The following ZNF23 variants were observed in gnomAD, a reference collection of about 807,000 sequenced individuals.
ZNF23 encodes zinc finger protein 23.
Under a neutral mutation model 56.2 loss-of-function variants are expected in ZNF23, and 48 were observed. That is an observed-to-expected ratio of 0.85 (90% CI 0.68 to 1.09). The LOEUF is 1.09. Ranked by LOEUF, ZNF23 falls within the 50% of genes least tolerant of loss-of-function variation. The pLI, the probability that ZNF23 is intolerant of heterozygous loss-of-function variation, is 0.00. For missense variants in ZNF23, 805 were observed against 811.4 expected, an observed-to-expected ratio of 0.99 and a Z score of 0.10; for synonymous variants, 266 against 283.3, an observed-to-expected ratio of 0.94 and a Z score of 0.61.
chr16:71,448,377 G>A lies in ZNF23; in HGVS notation c.1777C>T (p.His593Tyr), dbSNP rs373973539. Residue 593 changes from histidine (H) to tyrosine (Y), a missense_variant, in exon 5 of 5, where the codon CAC (histidine) becomes TAC (tyrosine). By Grantham distance (83) the His-to-Tyr change is moderately conservative. Transcript: ENST00000647773. Reference protein sequence around the residue: ...AFSCSSNYIVHQRIHTGEKPF... With the variant: ...AFSCSSNYIVYQRIHTGEKPF... ...TTCTCTCCTGTATGGATTCTCTGGTGCACAATATAGTTAGAACTACAGCTG... is the reference window on the plus strand; with the variant it reads ...TTCTCTCCTGTATGGATTCTCTGGTACACAATATAGTTAGAACTACAGCTG... The A allele has an allele frequency of 1.6e-4, 260 of 1,613,986 alleles. No homozygotes were observed. The highest frequency in any genetic ancestry group is 2.1e-4 in the Non-Finnish European group (249 of 1,180,024).
chr16:71,447,784 A>G lies in ZNF23; in HGVS notation c.*309T>C, dbSNP rs2042900816. ...CTTTGTAAAGTGGCCCTCAGTGAAG[A>G]CTTAAATTTCTCCATACAAGTCCTC... On this transcript the variant is annotated 3_prime_UTR_variant, in exon 5 of 5. Coordinates refer to ENST00000647773, the MANE Select transcript of ZNF23 (RefSeq NM_001381984.1). 5.1e-6 allele frequency: 1 copy of G among 197,346 alleles called. No individual in the cohort carries two copies. The highest frequency in any genetic ancestry group is 1.8e-4 in the South Asian group (1 of 5,604). The allele number at this position is 197,346 out of a possible 1,614,324, so 12.2% of individuals were successfully genotyped here. A position where few individuals can be genotyped will look rare whatever the true frequency, so the allele number is the denominator to read the frequency against.
At chr16:71,460,996 G>C (rs1242036771) in intron 1 of ZNF23, among the ~76,000 whole-genome samples, 2 of 152,014 alleles carry the variant, frequency 1.3e-5, no homozygotes, top group African/African-American at 4.8e-5. Flanking sequence ...ACTTAACATT[G>C]AATTATGCGA....
In ZNF23 at chr16:71,448,994, C is replaced by A; in HGVS notation, c.1160G>T (p.Gly387Val). The A allele has an allele frequency of 6.2e-7, 1 of 1,614,102 alleles. No individual in the cohort carries two copies. The highest frequency in any genetic ancestry group is 1.1e-5 in the South Asian group (1 of 91,070). ...KPYECNECGKGFRCSSQLRQH... is the reference protein window; with the variant it reads ...KPYECNECGKVFRCSSQLRQH... Reference sequence around the variant, plus strand: ...CCTAAGCTGGGAGCTGCACCTGAAGCCTTTTCCACATTCATTACATTCATA... The same window carrying A: ...CCTAAGCTGGGAGCTGCACCTGAAGACTTTTCCACATTCATTACATTCATA... Residue 387 changes from glycine (G) to valine (V), a missense_variant, in exon 5 of 5, where the codon GGC (glycine) becomes GTC (valine). By Grantham distance (109) the Gly-to-Val change is moderately radical. Transcript: ENST00000647773.
rs188760831 is a variant in ZNF23 at position 71,449,577 on chromosome 16, T to C, written c.577A>G (p.Ser193Gly). The change falls in exon 5 of 5, where the codon AGC becomes GGC. Residue 193 changes from serine (S) to glycine (G), a missense_variant. By Grantham distance (56) the Ser-to-Gly change is moderately conservative (BLOSUM62 0). Transcript: ENST00000647773. ...SGCTGLGKSISFDTKLVKHEI... is the reference protein window; with the variant it reads ...SGCTGLGKSIGFDTKLVKHEI... ...TGCTTCACGAGTTTTGTATCAAAGC[T>C]GATGGATTTCCCCAATCCTGTACAC... is the stretch of plus-strand genomic sequence containing the variant. 1.2e-5 allele frequency: 19 copies of C among 1,614,178 alleles called. No individual in the cohort carries two copies. The East Asian group carries it at 4.2e-4, about 36-fold the overall frequency.
At position 71,449,661 on chromosome 16, in the gene ZNF23, A is replaced by G; in HGVS notation, c.493T>C (p.Phe165Leu). 6.2e-7 allele frequency: 1 copy of G among 1,613,792 alleles called. No homozygotes were observed. Among genetic ancestry groups the G allele is most frequent in the Non-Finnish European group, 8.5e-7 (1 of 1,180,002 alleles). Residue 165 changes from phenylalanine to leucine, a missense_variant, in exon 5 of 5, where the codon TTT becomes CTT. By Grantham distance (22) the Phe-to-Leu change is conservative. Transcript: ENST00000647773. ...DETSPVEECFFSQSSNSYQCH... is the reference protein window; with the variant it reads ...DETSPVEECFLSQSSNSYQCH... ...TGATATGAGTTTGAACTTTGACTAAAAAAACACTCCTCCACGGGGCTTGTC... is the reference window on the plus strand; with the variant it reads ...TGATATGAGTTTGAACTTTGACTAAGAAAACACTCCTCCACGGGGCTTGTC...
chr16:71,458,653 A>T (rs2145130310), intron 1 of ZNF23, among the ~76,000 whole-genome samples: 1 of 152,214 alleles, frequency 6.6e-6, no homozygotes, highest in South Asian at 2.1e-4. Context: ...ATGCCTTTAC[A>T]AGAAGAAGGA....
chr16:71,461,462 A>G (rs776200157), intron 1 of ZNF23, among the ~76,000 whole-genome samples: 5 of 152,234 alleles, frequency 3.3e-5, no homozygotes, highest in Non-Finnish European at 5.9e-5. Context: ...TTGACTAAAT[A>G]CCATAAGAGT....
intron 1 of ZNF23, among the ~76,000 whole-genome samples, chr16:71,457,435 C>T (rs961388986): frequency 3.3e-5 from 5 of 152,106 alleles, no homozygotes; most frequent in South Asian, 2.1e-4. Flanking sequence ...TGCTGGCGGG[C>T]GCCTGTAGTC....
At position 71,459,270 on chromosome 16, in the gene ZNF23, A is replaced by G. The variant is rs967465643; in HGVS notation, c.-32-2442T>C. ...GGGACCCCCTTGACCAATAGGGGAG[A>G]GAAACCAATGGATAAATGTTTTCCC... On this transcript the variant is annotated intron_variant, in intron 1 of 4. Coordinates refer to ENST00000647773, the MANE Select transcript of ZNF23 (RefSeq NM_001381984.1). Among the ~76,000 whole-genome samples the G allele has an allele frequency of 2.0e-5, 3 of 152,214 alleles. No individual in the cohort carries two copies. In the South Asian group the frequency reaches 6.2e-4, roughly 31 times the overall value.
intron 2 of ZNF23, 104 bp from the exon 3 acceptor site, chr16:71,454,272 C>T (rs34380814): frequency 0.14 from 203,860 of 1,419,424 alleles, 17,933 homozygotes; most frequent in African/African-American, 0.39. Context: ...CTTGTGAGAG[C>T]ACAAAATTAG....
At chr16:71,454,805 C>CT (rs1230371477) in intron 2 of ZNF23, among the ~76,000 whole-genome samples, 2 of 152,236 alleles carry the variant, frequency 1.3e-5, no homozygotes, top group African/African-American at 4.8e-5. Flanking sequence ...GAAAGCTTCA[C>CT]TGTTTCTCCA....
intron 1 of ZNF23, among the ~76,000 whole-genome samples, chr16:71,461,353 T>C (rs534059618): frequency 6.6e-6 from 1 of 152,186 alleles, no homozygotes; most frequent in Non-Finnish European, 1.5e-5. Context: ...CAAAATGTAA[T>C]ACAAAGAACA....
rs1304738789 is a variant in ZNF23 at position 71,453,333 on chromosome 16, G to C, written c.178C>G (p.Pro60Ala). 8 of 1,599,890 alleles carry C rather than the reference G, an allele frequency of 5.0e-6. No homozygotes were observed. Among genetic ancestry groups the C allele is most frequent in the Non-Finnish European group, 6.8e-6 (8 of 1,172,534 alleles). The change falls in exon 4 of 5, where the codon CCT becomes GCT. Residue 60 changes from proline to alanine, a missense_variant. Transcript: ENST00000647773. ...CCCTCCAGTTGTGAGATCACAGCAGGTTTGAGAAGTGGAAATCCTGGTTTG... is the reference window on the plus strand; with the variant it reads ...CCCTCCAGTTGTGAGATCACAGCAGCTTTGAGAAGTGGAAATCCTGGTTTG... The part of the protein sequence containing the change: ...VASLGFPLLK[P>A]AVISQLEGGS...
At chr16:71,455,231 T>C (rs1278995553) in intron 2 of ZNF23, among the ~76,000 whole-genome samples, 1 of 152,234 alleles carries the variant, frequency 6.6e-6, no homozygotes, top group Non-Finnish European at 1.5e-5. Context: ...GGCACTTCCT[T>C]CTGAACTTAC....
Position 71,449,101 on chromosome 16 carries a change from G to C in ZNF23, c.1053C>G (p.Tyr351Ter). ...HQRVHTGEKP[Y>*]ECNDCGKAFN... is the part of the protein sequence containing the mutation. ...ACGCTTTCCCACAGTCATTACACTC[G>C]TAAGGTTTCTCTCCAGTGTGGACTC... The change falls in exon 5 of 5, where the codon TAC becomes TAG. Residue 351 changes from tyrosine to a stop codon, truncating the protein, a stop_gained. Transcript: ENST00000647773. LOFTEE classifies it high-confidence loss of function. The C allele has an allele frequency of 6.2e-7, 1 of 1,614,018 alleles. No individual in the cohort carries two copies. Among genetic ancestry groups the C allele is most frequent in the Non-Finnish European group, 8.5e-7 (1 of 1,180,002 alleles).
intron 3 of ZNF23, chr16:71,453,648 G>A: frequency 2.1e-6 from 1 of 468,168 alleles, no homozygotes; most frequent in Admixed American, 3.6e-5. Flanking sequence ...GGGCAAGCAG[G>A]GAGATTCTGC....
chr16:71,458,764 A>AAG (rs1321540540), intron 1 of ZNF23, among the ~76,000 whole-genome samples: 1 of 152,240 alleles, frequency 6.6e-6, no homozygotes, highest in Non-Finnish European at 1.5e-5. Context: ...CCCTGGCAGG[A>AAG]GCCAAAATCA....
In ZNF23 at chr16:71,449,835, C is replaced by T. The variant is rs1416165415; in HGVS notation, c.319G>A (p.Glu107Lys). ...CTTTGAAGTTCAAATGATACATTCT[C>T]TTTTCCTTCATACATTTCCTTTGTC... ...DLTKEMYEGK[E>K]NVSFELQRDF... Residue 107 changes from glutamate to lysine, a missense_variant, in exon 5 of 5, where the codon GAG (glutamate) becomes AAG (lysine). Glu to Lys is a moderately conservative substitution (Grantham distance 56). Transcript: ENST00000647773. 1 of 1,611,882 alleles carries T rather than the reference C, an allele frequency of 6.2e-7. No individual in the cohort carries two copies. The highest frequency in any genetic ancestry group is 8.5e-7 in the Non-Finnish European group (1 of 1,179,600).
chr16:71,460,963 C>T (rs900751996), intron 1 of ZNF23, among the ~76,000 whole-genome samples: 5 of 152,110 alleles, frequency 3.3e-5, no homozygotes, highest in Non-Finnish European at 7.3e-5. Flanking sequence ...TACCCAGAAG[C>T]TACACACAGA....
Sources: gnomAD v4.1 joint callset for allele counts (sites outside exome capture counted in the v4.1 genomes callset) on GRCh38, gnomAD v4.1.1 for gene constraint, MANE v1.5 for transcripts, NCBI Gene and HGNC (gene_info 2026-07-23, HGNC 2026-07-21) for gene names.